Variants in YME1L1 observed in about 807,000 individuals in gnomAD.
YME1L1 encodes the protein YME1 like 1 ATPase, also known as ATP-dependent zinc metalloprotease YME1L1.
YME1L1 carries 39 observed loss-of-function variants against 90.4 expected under a neutral mutation model. The ratio of observed to expected loss-of-function variants is 0.43; its 90% confidence interval spans 0.33 to 0.56. The LOEUF (loss-of-function observed/expected upper bound fraction) is 0.56. Ranked by LOEUF, YME1L1 falls within the 20% of genes least tolerant of loss-of-function variation. The pLI is 0.03. For synonymous variants in YME1L1, 284 were observed against 287.3 expected (o/e 0.99, Z 0.12); for missense variants, 617 against 868.4 (o/e 0.71, Z 3.64).
At chr10:27,120,376 C>A in intron 13 of YME1L1, 59 bp downstream of exon 13, 2 of 1,226,646 alleles carry the variant, frequency 1.6e-6, no homozygotes, top group Non-Finnish European at 1.2e-6. Context: ...GGACCACAAA[C>A]AGGGTGAGTG....
chr10:27,119,245 T>C (rs1241307151), intron 14 of YME1L1, 49 bp downstream of exon 14: 1 of 1,538,346 alleles, frequency 6.5e-7, no homozygotes, highest in Non-Finnish European at 8.7e-7. Context: ...AAATGAATTA[T>C]CTAACACAAT....
chr10:27,119,406 G>T lies in YME1L1; in HGVS notation c.1455C>A (p.Ser485=). ...TCACAAGATTCTCCAACTCTGCTCC[G>T]GAAAAGCCAACAGTACCTCGAGCTA... ...EIIARGTVGF[S]GAELENLVNQ... is the part of the protein sequence containing the mutation. Residue 485 remains serine (S), a synonymous_variant, in exon 14 of 19, where the codon TCC becomes TCA. Transcript: ENST00000376016. The T allele has an allele frequency of 6.2e-7, 1 of 1,612,864 alleles. No homozygotes were observed. Among genetic ancestry groups the T allele is most frequent in the Non-Finnish European group, 8.5e-7 (1 of 1,179,482 alleles).
chr10:27,148,289 G>T (rs2057168799), intron 2 of YME1L1, among the ~76,000 whole-genome samples: 1 of 151,998 alleles, frequency 6.6e-6, no homozygotes, highest in African/African-American at 2.4e-5. Flanking sequence ...AGCGACCTCT[G>T]CCTCCTAGGC....
intron 3 of YME1L1, among the ~76,000 whole-genome samples, chr10:27,143,759 TAAAG>T (rs953083487): frequency 6.7e-6 from 1 of 148,550 alleles, no homozygotes; most frequent in African/African-American, 2.5e-5. Flanking sequence ...GTTAAGAACA[TAAAG>T]AGATAAAGAA....
intron 14 of YME1L1, among the ~76,000 whole-genome samples, chr10:27,118,230 C>A (rs1213328870): frequency 1.3e-5 from 2 of 152,198 alleles, no homozygotes; most frequent in Admixed American, 1.3e-4. Context: ...CCCACCTCAG[C>A]TTCCCAAAGT....
At chr10:27,145,289 CAAAAAAAAAAACA>C in intron 3 of YME1L1, 126 bp downstream of exon 3, 16 of 495,680 alleles carry the variant, frequency 3.2e-5, no homozygotes, top group South Asian at 1.5e-4. Context: ...TGAAAAATTG[CAAAAAAAAAAACA>C]AAAAAAAAAC....
intron 4 of YME1L1, among the ~76,000 whole-genome samples, chr10:27,140,001 T>C (rs1438279079): frequency 1.3e-5 from 2 of 152,198 alleles, no homozygotes; most frequent in African/African-American, 4.8e-5. Flanking sequence ...TCTATCTTTA[T>C]ATCTTAAATT....
At chr10:27,151,642 G>A (rs940779450) in intron 1 of YME1L1, among the ~76,000 whole-genome samples, 3 of 151,910 alleles carry the variant, frequency 2.0e-5, no homozygotes, top group South Asian at 2.1e-4. Flanking sequence ...AGCACTCTGG[G>A]AGGCCGAGGC....
chr10:27,149,005 G>A lies in YME1L1; in HGVS notation c.69C>T (p.Phe23=). 1.2e-6 allele frequency: 2 copies of A among 1,613,678 alleles called. No individual in the cohort carries two copies. The highest frequency in any genetic ancestry group is 2.2e-5 in the South Asian group (2 of 90,990). ...AAACAGAAGTGTTTTTTGGTGTATG[G>A]AAGGCATTGATGAGATGACTCAGAG... The part of the protein sequence containing the change: ...TVPLSHLINA[F]HTPKNTSVSL... Residue 23 remains phenylalanine (F), a synonymous_variant, in exon 2 of 19, where the codon TTC becomes TTT. Coordinates refer to ENST00000376016, the MANE Select transcript of YME1L1 (RefSeq NM_014263.4).
At chr10:27,130,719 GGCT>G in intron 8 of YME1L1, among the ~76,000 whole-genome samples, 1 of 152,170 alleles carries the variant, frequency 6.6e-6, no homozygotes, top group South Asian at 2.1e-4. Flanking sequence ...TGGGCGTGGT[GGCT>G]CGTGCCTGTA....
chr10:27,117,088 C>A (rs549026436), intron 15 of YME1L1, among the ~76,000 whole-genome samples: 3 of 152,180 alleles, frequency 2.0e-5, no homozygotes, highest in South Asian at 4.2e-4. Flanking sequence ...TATAAAGCAA[C>A]AACAATAGGT....
Position 27,120,475 on chromosome 10 carries a change from T to A in YME1L1, c.1371A>T (p.Glu457Asp), listed in dbSNP as rs770236039. The change falls in exon 13 of 19, where the codon GAA becomes GAT. Residue 457 changes from glutamate to aspartate, a missense_variant. By Grantham distance (45) the Glu-to-Asp change is conservative. Around this residue, in one of 4 missense-constraint regions of YME1L1, gnomAD observed 212 missense variants for 330.0 expected, o/e 0.64. Transcript: ENST00000376016. ...TTTTATTGAGATACCATTTCAAAAT[T>A]TCTGTTCGACCTTTTACATCTGGCC... ...VPRPDVKGRT[E>D]ILKWYLNKIK... 13 of 1,613,842 alleles carry A rather than the reference T, an allele frequency of 8.1e-6. No individual in the cohort carries two copies. The highest frequency in any genetic ancestry group is 1.0e-5 in the Non-Finnish European group (12 of 1,179,824).
At chr10:27,131,819 G>C (rs776021645) in intron 8 of YME1L1, 40 bp downstream of exon 8, 1 of 1,466,452 alleles carries the variant, frequency 6.8e-7, no homozygotes, top group Middle Eastern at 1.8e-4. Flanking sequence ...GTATCAATTA[G>C]AGGATGTATG....
intron 6 of YME1L1, among the ~76,000 whole-genome samples, chr10:27,134,584 CACAA>C (rs1312020962): frequency 6.6e-6 from 1 of 152,202 alleles, no homozygotes; most frequent in African/African-American, 2.4e-5. Flanking sequence ...CAAAAACAAA[CACAA>C]ACAAAAAATA....
At chr10:27,153,900 C>T (rs1428685034) in intron 1 of YME1L1, among the ~76,000 whole-genome samples, 1 of 152,142 alleles carries the variant, frequency 6.6e-6, no homozygotes, top group African/African-American at 2.4e-5. Flanking sequence ...GACGGATTCT[C>T]TAGCAGAAAT....
At chr10:27,145,289 C>CAAAAAAAAAAAAA (rs57762952) in intron 3 of YME1L1, 139 bp downstream of exon 3, 1 of 464,398 alleles carries the variant, frequency 2.2e-6, no homozygotes. Context: ...TGAAAAATTG[C>CAAAAAAAAAAAAA]AAAAAAAAAA....
intron 5 of YME1L1, among the ~76,000 whole-genome samples, chr10:27,136,054 C>T (rs1033867809): frequency 1.8e-4 from 28 of 152,094 alleles, no homozygotes; most frequent in African/African-American, 6.3e-4. Flanking sequence ...GAGAACACCT[C>T]GACAGGTGTA....
At chr10:27,137,642 C>A (rs888144933) in intron 4 of YME1L1, among the ~76,000 whole-genome samples, 1 of 152,216 alleles carries the variant, frequency 6.6e-6, no homozygotes, top group Middle Eastern at 3.4e-3. Context: ...GCAAGTCTGA[C>A]GGGCAAAAAT....
intron 18 of YME1L1, 86 bp from the exon 19 acceptor site, chr10:27,112,206 T>C (rs1381796929): frequency 1.5e-5 from 18 of 1,199,998 alleles, no homozygotes; most frequent in Middle Eastern, 2.0e-4. Context: ...AAACTTTATG[T>C]ACCCTAAAAA....
Sources: allele counts gnomAD v4.1 joint callset (sites outside exome capture counted in the v4.1 genomes callset), GRCh38; gene constraint gnomAD v4.1.1; regional missense constraint gnomAD v4.1.1; transcripts MANE v1.5; gene names NCBI Gene and HGNC (gene_info 2026-07-23, HGNC 2026-07-21).